Variants in ADGRB3 observed in about 807,000 individuals in gnomAD.
ADGRB3 encodes adhesion G protein-coupled receptor B3.
A neutral mutation model predicts 193.4 loss-of-function variants in ADGRB3; 37 were observed. That is an observed-to-expected ratio of 0.19 (90% CI 0.15 to 0.25). The LOEUF (loss-of-function observed/expected upper bound fraction) is 0.25, where lower values mean the gene tolerates loss of function less well. Among genes scored for constraint, ADGRB3 ranks in the 10% least tolerant of loss-of-function variants. The probability of loss-of-function intolerance (pLI) is 1.00; values close to 1 mark genes in which losing one functional copy is unlikely to be tolerated. For synonymous variants in ADGRB3, 690 were observed against 644.2 expected (o/e 1.07, Z -1.08); for missense variants, 1,637 against 1,852.9 (o/e 0.88, Z 2.14).
intron 17 of ADGRB3, among the ~76,000 whole-genome samples, chr6:69,230,597 G>A (rs1423187040): frequency 1.3e-5 from 2 of 152,158 alleles, no homozygotes; most frequent in East Asian, 1.9e-4. Context: ...ATAGTTATAT[G>A]TATGCTAGTG....
At chr6:68,954,865 T>A (rs1768027528) in intron 6 of ADGRB3, among the ~76,000 whole-genome samples, 1 of 152,158 alleles carries the variant, frequency 6.6e-6, no homozygotes, top group Non-Finnish European at 1.5e-5. Flanking sequence ...GTATTTTCAG[T>A]AGAGACGGGG....
At chr6:68,975,119 C>A in intron 9 of ADGRB3, 115 bp from the exon 10 acceptor site, 1 of 795,856 alleles carries the variant, frequency 1.3e-6, no homozygotes, top group Non-Finnish European at 2.0e-6. Context: ...ATTTCATGTG[C>A]ATGTTTTTTA....
At chr6:68,896,414 T>C (rs1053998311) in intron 3 of ADGRB3, among the ~76,000 whole-genome samples, 1 of 152,104 alleles carries the variant, frequency 6.6e-6, no homozygotes, top group African/African-American at 2.4e-5. Flanking sequence ...TTATTATTTT[T>C]TATAGAGGAG....
At chr6:68,862,316 T>C (rs894842632) in intron 3 of ADGRB3, among the ~76,000 whole-genome samples, 6 of 152,232 alleles carry the variant, frequency 3.9e-5, no homozygotes, top group Non-Finnish European at 8.8e-5. Flanking sequence ...AATCTGTCTA[T>C]GGGGAGATGT....
chr6:68,973,582 G>T (rs9454664), intron 8 of ADGRB3, among the ~76,000 whole-genome samples: 39,740 of 151,946 alleles, frequency 0.26, 5,456 homozygotes, highest in Middle Eastern at 0.42. Context: ...GTTTATTTAG[G>T]TACTTAGTAT....
intron 17 of ADGRB3, among the ~76,000 whole-genome samples, chr6:69,138,709 T>C (rs1411109788): frequency 6.6e-6 from 1 of 152,152 alleles, no homozygotes; most frequent in Admixed American, 6.5e-5. Flanking sequence ...CAATATTAAG[T>C]TTATAAAATG....
chr6:69,325,884 G>A (rs1157154814), intron 21 of ADGRB3, among the ~76,000 whole-genome samples: 1 of 152,168 alleles, frequency 6.6e-6, no homozygotes, highest in East Asian at 1.9e-4. Context: ...TTTATCCACA[G>A]ACAAATGGAA....
At chr6:69,084,123 A>G (rs1398664778) in intron 17 of ADGRB3, among the ~76,000 whole-genome samples, 2 of 152,112 alleles carry the variant, frequency 1.3e-5, no homozygotes, top group African/African-American at 4.8e-5. Context: ...CATTTCAGCT[A>G]GCTTTCCTCT....
chr6:68,992,499 A>G (rs1769265830), intron 10 of ADGRB3, among the ~76,000 whole-genome samples: 1 of 152,186 alleles, frequency 6.6e-6, no homozygotes, highest in Non-Finnish European at 1.5e-5. Context: ...CTACAGAGAT[A>G]GGTAAAAGCC....
chr6:68,758,168 G>C (rs991371802), intron 3 of ADGRB3, among the ~76,000 whole-genome samples: 2 of 152,050 alleles, frequency 1.3e-5, no homozygotes, highest in African/African-American at 4.8e-5. Flanking sequence ...CAAATTTGCT[G>C]TTAAGATTAG....
At chr6:68,893,457 T>C (rs1429414204) in intron 3 of ADGRB3, among the ~76,000 whole-genome samples, 5 of 151,322 alleles carry the variant, frequency 3.3e-5, no homozygotes, top group South Asian at 4.2e-4. Flanking sequence ...TATTTTTCCT[T>C]AGCATTCAAA....
At chr6:68,985,856 G>A (rs1196253173) in intron 10 of ADGRB3, among the ~76,000 whole-genome samples, 1 of 152,100 alleles carries the variant, frequency 6.6e-6, no homozygotes, top group Non-Finnish European at 1.5e-5. Flanking sequence ...GAAACATCAT[G>A]TTACTTAGTG....
chr6:69,154,124 T>A (rs941688807), intron 17 of ADGRB3, among the ~76,000 whole-genome samples: 4 of 149,700 alleles, frequency 2.7e-5, no homozygotes, highest in African/African-American at 9.8e-5. Context: ...GACTTTATAG[T>A]CAATTTCTAT....
At chr6:69,318,895 A>G (rs1768377241) in intron 20 of ADGRB3, among the ~76,000 whole-genome samples, 1 of 150,228 alleles carries the variant, frequency 6.7e-6, no homozygotes, top group South Asian at 2.1e-4. Context: ...AACTATTTTC[A>G]TTCCTAAACT....
chr6:68,952,817 C>G (rs1767970277), intron 6 of ADGRB3, among the ~76,000 whole-genome samples: 1 of 152,116 alleles, frequency 6.6e-6, no homozygotes, highest in South Asian at 2.1e-4. Context: ...ATCTAAAATA[C>G]ATGTTTTGTT....
At chr6:68,765,333 A>AT (rs1313970897) in intron 3 of ADGRB3, among the ~76,000 whole-genome samples, 1 of 152,084 alleles carries the variant, frequency 6.6e-6, no homozygotes, top group Non-Finnish European at 1.5e-5. Context: ...ACAATGTTTA[A>AT]TTTTAAGGAA....
At chr6:69,324,316 G>A (rs1181951982) in intron 20 of ADGRB3, among the ~76,000 whole-genome samples, 1 of 152,046 alleles carries the variant, frequency 6.6e-6, no homozygotes, top group Non-Finnish European at 1.5e-5. Flanking sequence ...TTTTATTTTT[G>A]TACTATGTTA....
intron 3 of ADGRB3, among the ~76,000 whole-genome samples, chr6:68,716,600 A>G (rs1437575550): frequency 3.3e-5 from 5 of 151,578 alleles, no homozygotes; most frequent in African/African-American, 1.2e-4. Context: ...GCTTTCAGGA[A>G]TATCACAGTA....
Position 69,339,426 on chromosome 6 carries a change from G to T in ADGRB3, c.3381G>T (p.Leu1127Phe). Residue 1127 changes from leucine to phenylalanine, a missense_variant, in exon 26 of 32, where the codon TTG (leucine) becomes TTT (phenylalanine). Physicochemically the swap from Leu to Phe is conservative, Grantham distance 22. Transcript: ENST00000370598. ...VLAMTDKRSI[L>F]FQILFAVFDS... is the part of the protein sequence containing the mutation. The stretch of plus-strand genomic sequence containing the variant: ...CCATGACAGATAAACGCTCCATATT[G>T]TTTCAAATACTTTTTGCTGTGTTTG... The T allele has an allele frequency of 6.2e-7, 1 of 1,614,036 alleles. No individual in the cohort carries two copies. The highest frequency in any genetic ancestry group is 8.5e-7 in the Non-Finnish European group (1 of 1,179,940).
Sources: gnomAD v4.1 joint callset for allele counts (sites outside exome capture counted in the v4.1 genomes callset) on GRCh38, gnomAD v4.1.1 for gene constraint, MANE v1.5 for transcripts, NCBI Gene and HGNC (gene_info 2026-07-23, HGNC 2026-07-21) for gene names.